The following EPC2 variants were observed in gnomAD, a reference collection of about 807,000 sequenced individuals.
EPC2 encodes enhancer of polycomb homolog 2.
Under a neutral mutation model 92.1 loss-of-function variants are expected in EPC2, and 14 were observed. That is an observed-to-expected ratio of 0.15 (90% CI 0.10 to 0.24). The LOEUF (loss-of-function observed/expected upper bound fraction) is 0.24. Ranked by LOEUF, EPC2 falls within the 10% of genes least tolerant of loss-of-function variation. EPC2 has a pLI of 1.00. For missense variants in EPC2, 755 were observed against 971.5 expected (o/e 0.78, Z 2.96); for synonymous variants, 340 against 334.7 (o/e 1.02, Z -0.17).
chr2:148,770,241 C>T (rs1274594324), intron 8 of EPC2, among the ~76,000 whole-genome samples: 7 of 151,968 alleles, frequency 4.6e-5, no homozygotes, highest in African/African-American at 1.5e-4. Flanking sequence ...GGTCTTGCTA[C>T]GTTGCCCAGG....
Position 148,765,056 on chromosome 2 carries a change from G to A in EPC2, c.1050G>A (p.Gln350=). The A allele has an allele frequency of 6.2e-7, 1 of 1,610,092 alleles. No individual in the cohort carries two copies. Residue 350 remains glutamine (Q), a synonymous_variant, in exon 7 of 14, where the codon CAG becomes CAA. Coordinates refer to ENST00000258484, the MANE Select transcript of EPC2 (RefSeq NM_015630.4). Reference sequence around the variant, plus strand: ...AAGCAGAGGCTTTGATAACATCTCAGCAACCCACTCCTGAGACATTGCCTG... The same window carrying A: ...AAGCAGAGGCTTTGATAACATCTCAACAACCCACTCCTGAGACATTGCCTG... ...KPKAEALITS[Q]QPTPETLPVI...
chr2:148,694,765 C>A (rs1681711179), intron 2 of EPC2, among the ~76,000 whole-genome samples: 2 of 151,494 alleles, frequency 1.3e-5, no homozygotes, highest in Non-Finnish European at 2.9e-5. Flanking sequence ...ACATTCTCCT[C>A]CCCCCGCCCA....
At chr2:148,776,729 C>G (rs1272717087) in intron 10 of EPC2, among the ~76,000 whole-genome samples, 1 of 152,088 alleles carries the variant, frequency 6.6e-6, no homozygotes, top group East Asian at 1.9e-4. Context: ...TACCAAAACT[C>G]TTGTAACACT....
At chr2:148,781,535 T>G in intron 10 of EPC2, 109 bp from the exon 11 acceptor site, 1 of 1,034,732 alleles carries the variant, frequency 9.7e-7, no homozygotes, top group East Asian at 2.7e-5. Flanking sequence ...ATATTGTAAT[T>G]TGTAATTGCT....
At chr2:148,693,314 A>C (rs1048038007) in intron 2 of EPC2, among the ~76,000 whole-genome samples, 4 of 152,154 alleles carry the variant, frequency 2.6e-5, no homozygotes, top group African/African-American at 9.7e-5. Flanking sequence ...GTTCAGGTTC[A>C]TCACATACTT....
chr2:148,662,086 T>A (rs1680948635), intron 1 of EPC2, among the ~76,000 whole-genome samples: 1 of 152,174 alleles, frequency 6.6e-6, no homozygotes, highest in South Asian at 2.1e-4. Flanking sequence ...TCACTGGCCA[T>A]CAGAGAAATG....
At chr2:148,665,088 C>G (rs767483526) in intron 1 of EPC2, among the ~76,000 whole-genome samples, 3 of 152,198 alleles carry the variant, frequency 2.0e-5, no homozygotes, top group Non-Finnish European at 2.9e-5. Flanking sequence ...TGGTCTGTAG[C>G]TACGCATTAC....
At chr2:148,759,464 G>T (rs1683258881) in intron 4 of EPC2, among the ~76,000 whole-genome samples, 1 of 152,160 alleles carries the variant, frequency 6.6e-6, no homozygotes, top group Non-Finnish European at 1.5e-5. Flanking sequence ...ATTTTTTGCT[G>T]TAAAGGACAT....
intron 2 of EPC2, among the ~76,000 whole-genome samples, chr2:148,696,748 A>T (rs1237242995): frequency 6.6e-6 from 1 of 152,124 alleles, no homozygotes; most frequent in Non-Finnish European, 1.5e-5. Flanking sequence ...CCTAGCAACT[A>T]ATATCTCCAT....
At chr2:148,694,589 A>G (rs1681706746) in intron 2 of EPC2, among the ~76,000 whole-genome samples, 1 of 152,230 alleles carries the variant, frequency 6.6e-6, no homozygotes, top group Non-Finnish European at 1.5e-5. Flanking sequence ...TTGGAGTTCA[A>G]TAATTTTATT....
At chr2:148,680,089 C>CTT (rs71406027) in intron 1 of EPC2, among the ~76,000 whole-genome samples, 23 of 141,496 alleles carry the variant, frequency 1.6e-4, no homozygotes, top group Middle Eastern at 7.2e-3. Flanking sequence ...TCTCAAGCCC[C>CTT]TTTTTTTTTT....
intron 1 of EPC2, among the ~76,000 whole-genome samples, chr2:148,677,931 A>G (rs549214750): frequency 2.0e-4 from 30 of 152,272 alleles, no homozygotes; most frequent in Middle Eastern, 3.4e-3. Context: ...AGTGAGCAGT[A>G]GCAAGATTTA....
intron 1 of EPC2, among the ~76,000 whole-genome samples, chr2:148,683,246 G>A (rs989425049): frequency 1.3e-5 from 2 of 151,080 alleles, no homozygotes; most frequent in Non-Finnish European, 2.9e-5. Context: ...CATCCTTCCT[G>A]CCAAGTCTCC....
chr2:148,689,400 G>A (rs955102739), intron 1 of EPC2, among the ~76,000 whole-genome samples: 1 of 152,022 alleles, frequency 6.6e-6, no homozygotes, highest in African/African-American at 2.4e-5. Flanking sequence ...GGATGGTTTC[G>A]ATCTCCTGAC....
intron 11 of EPC2, among the ~76,000 whole-genome samples, chr2:148,782,795 A>G (rs1574641657): frequency 1.3e-5 from 2 of 152,342 alleles, no homozygotes; most frequent in African/African-American, 2.4e-5. Context: ...TAAGAAATCT[A>G]TTTCAAATTT....
intron 2 of EPC2, among the ~76,000 whole-genome samples, chr2:148,731,631 A>G (rs1176701361): frequency 6.6e-6 from 1 of 152,140 alleles, no homozygotes; most frequent in Non-Finnish European, 1.5e-5. Context: ...CGAACTCCTT[A>G]CTTCAGGTGA....
rs192193536 is a variant in EPC2 at position 148,753,708 on chromosome 2, G to A, written c.460-219G>A. 5.8e-3 allele frequency among the ~76,000 whole-genome samples: 875 copies of A among 152,108 alleles called. 7 individuals carry two copies. Among genetic ancestry groups the A allele is most frequent in the South Asian group, 0.012 (59 of 4,814 alleles). Reference sequence around the variant, plus strand: ...CCAGCCTTCTTAAATATTATCAGTGGTACAACTCACTGTCTCTCAGGGAAA... The same window carrying A: ...CCAGCCTTCTTAAATATTATCAGTGATACAACTCACTGTCTCTCAGGGAAA... On this transcript the variant is annotated intron_variant, in intron 3 of 13. Coordinates refer to ENST00000258484, the MANE Select transcript of EPC2 (RefSeq NM_015630.4).
chr2:148,747,705 G>A (rs1295763261), intron 3 of EPC2, among the ~76,000 whole-genome samples: 2 of 152,062 alleles, frequency 1.3e-5, no homozygotes, highest in African/African-American at 4.8e-5. Context: ...CTGCAGTATT[G>A]AATGATGTTG....
rs1023690490 is a variant in EPC2, at chr2:148,685,629, C to T, written c.154-4585C>T. On this transcript the variant is annotated intron_variant, in intron 1 of 13. Coordinates refer to ENST00000258484, the MANE Select transcript of EPC2 (RefSeq NM_015630.4). ...CAAAAAAATTAGCCGGGTGTGGTGGCGGGAGCCTGTAGTCCCAGCTACTCA... is the reference window on the plus strand; with the variant it reads ...CAAAAAAATTAGCCGGGTGTGGTGGTGGGAGCCTGTAGTCCCAGCTACTCA... Among the ~76,000 whole-genome samples the T allele has an allele frequency of 3.3e-5, 5 of 152,092 alleles. No individual in the cohort carries two copies. The South Asian group carries it at 8.3e-4, about 25-fold the overall frequency.
Sources: allele counts gnomAD v4.1 joint callset (sites outside exome capture counted in the v4.1 genomes callset), GRCh38; gene constraint gnomAD v4.1.1; transcripts MANE v1.5; gene names NCBI Gene and HGNC (gene_info 2026-07-23, HGNC 2026-07-21).